MYLK: variants seen among roughly 807,000 people sequenced by gnomAD.
MYLK encodes myosin light chain kinase.
MYLK carries 106 observed loss-of-function variants against 203.4 expected under a neutral mutation model. That is an observed-to-expected ratio of 0.52 (90% CI 0.45 to 0.61). The LOEUF is 0.61. Ranked by LOEUF, MYLK falls within the 20% of genes least tolerant of loss-of-function variation. MYLK has a pLI of 0.00. For synonymous variants in MYLK, 867 were observed against 959.5 expected (o/e 0.90, Z 1.78); for missense variants, 2,072 against 2,442.3 (o/e 0.85, Z 3.20).
chr3:123,813,258 T>G (rs1398493659), intron 3 of MYLK, among the ~76,000 whole-genome samples: 5 of 152,210 alleles, frequency 3.3e-5, no homozygotes, highest in Non-Finnish European at 5.9e-5. Context: ...TACTTAAGCT[T>G]CTGCTTATTG....
intron 11 of MYLK, among the ~76,000 whole-genome samples, chr3:123,726,757 G>T (rs2062302324): frequency 6.6e-6 from 1 of 152,126 alleles, no homozygotes; most frequent in Admixed American, 6.5e-5. Flanking sequence ...CTTTCCAAAA[G>T]CCTTCTACAT....
At chr3:123,657,776 T>A (rs2059436629) in intron 23 of MYLK, among the ~76,000 whole-genome samples, 1 of 152,198 alleles carries the variant, frequency 6.6e-6, no homozygotes, top group South Asian at 2.1e-4. Context: ...GTGGACTATT[T>A]CCTATCGAAA....
At chr3:123,713,529 G>A (rs565265466) in intron 13 of MYLK, among the ~76,000 whole-genome samples, 2 of 151,686 alleles carry the variant, frequency 1.3e-5, no homozygotes, top group Non-Finnish European at 1.5e-5. Context: ...CTTGACAACT[G>A]AGAAAAACTA....
intron 10 of MYLK, 51 bp downstream of exon 10, chr3:123,733,636 C>A: frequency 6.2e-7 from 1 of 1,606,426 alleles, no homozygotes; most frequent in Non-Finnish European, 8.5e-7. Flanking sequence ...AGGGAGTGGC[C>A]ACCAAGGGGC....
At chr3:123,812,990 G>T (rs570215830) in intron 3 of MYLK, among the ~76,000 whole-genome samples, 1 of 152,254 alleles carries the variant, frequency 6.6e-6, no homozygotes, top group African/African-American at 2.4e-5. Context: ...GATCACTGAT[G>T]GTCAACTTGG....
At chr3:123,650,535 T>G (rs2059176414) in intron 24 of MYLK, among the ~76,000 whole-genome samples, 3 of 152,132 alleles carry the variant, frequency 2.0e-5, no homozygotes, top group African/African-American at 7.2e-5. Context: ...AAGCTTAGTT[T>G]TTTTAAAAAA....
At chr3:123,872,478 T>A (rs547093247) in intron 2 of MYLK, among the ~76,000 whole-genome samples, 1 of 152,270 alleles carries the variant, frequency 6.6e-6, no homozygotes, top group Non-Finnish European at 1.5e-5. Context: ...ACTGCCCCCA[T>A]TTCAGATCAC....
At chr3:123,786,217 C>T (rs1395026704) in intron 4 of MYLK, among the ~76,000 whole-genome samples, 3 of 151,366 alleles carry the variant, frequency 2.0e-5, no homozygotes, top group Non-Finnish European at 4.4e-5. Context: ...GCAGGAGTGT[C>T]GCTCGAACCT....
intron 13 of MYLK, among the ~76,000 whole-genome samples, chr3:123,711,308 T>C (rs2061683824): frequency 2.0e-5 from 3 of 152,188 alleles, no homozygotes; most frequent in Admixed American, 6.5e-5. Context: ...TGTGTGCATA[T>C]GTCAAAACTT....
chr3:123,787,610 G>A (rs916202377), intron 4 of MYLK, among the ~76,000 whole-genome samples: 1 of 152,118 alleles, frequency 6.6e-6, no homozygotes, highest in Non-Finnish European at 1.5e-5. Flanking sequence ...AGTGTCATGC[G>A]GCAGGAAGAA....
At chr3:123,804,369 A>G (rs970358348) in intron 3 of MYLK, among the ~76,000 whole-genome samples, 1 of 152,126 alleles carries the variant, frequency 6.6e-6, no homozygotes, top group Non-Finnish European at 1.5e-5. Flanking sequence ...GAGAGGGAGT[A>G]AAAAGGGTCA....
At chr3:123,625,925 T>C (rs1411255593) in intron 31 of MYLK, among the ~76,000 whole-genome samples, 1 of 152,212 alleles carries the variant, frequency 6.6e-6, no homozygotes, top group Non-Finnish European at 1.5e-5. Flanking sequence ...TATCCACCCA[T>C]GCCTTTTATC....
intron 2 of MYLK, among the ~76,000 whole-genome samples, chr3:123,873,016 T>G (rs1009959498): frequency 2.0e-5 from 3 of 152,092 alleles, no homozygotes; most frequent in Non-Finnish European, 2.9e-5. Flanking sequence ...CAGGTATGGT[T>G]GAAAGGGACT....
intron 16 of MYLK, among the ~76,000 whole-genome samples, chr3:123,701,932 A>C (rs1266310349): frequency 6.6e-6 from 1 of 152,100 alleles, no homozygotes; most frequent in Non-Finnish European, 1.5e-5. Flanking sequence ...CTTGACTCTG[A>C]CTCCATGATC....
At chr3:123,748,373 A>C (rs976853994) in intron 5 of MYLK, among the ~76,000 whole-genome samples, 1 of 152,222 alleles carries the variant, frequency 6.6e-6, no homozygotes, top group East Asian at 1.9e-4. Flanking sequence ...GAGACTTGGA[A>C]GGAACAAACA....
chr3:123,628,880 A>T (rs1035351789), intron 30 of MYLK, among the ~76,000 whole-genome samples: 2 of 152,162 alleles, frequency 1.3e-5, no homozygotes, highest in Non-Finnish European at 2.9e-5. Context: ...ACAGAGGAGG[A>T]GCTGGGAGAG....
At chr3:123,837,789 C>G (rs2066509453) in intron 2 of MYLK, among the ~76,000 whole-genome samples, 1 of 151,768 alleles carries the variant, frequency 6.6e-6, no homozygotes, top group Admixed American at 6.6e-5. Context: ...CTTCAACAGG[C>G]TCACAAGCAC....
At position 123,664,228 on chromosome 3, in the gene MYLK, T is replaced by G; in HGVS notation, c.3862A>C (p.Asn1288His). 1 of 1,614,082 alleles carries G rather than the reference T, an allele frequency of 6.2e-7. No homozygotes were observed. The highest frequency in any genetic ancestry group is 1.6e-4 in the Middle Eastern group (1 of 6,062). ...IQESEHMKVE[N>H]SENGSKLTIL... The stretch of plus-strand genomic sequence containing the variant: ...GTGAGCTTGCTGCCATTCTCGCTGT[T>G]CTCCACCTTCATGTGCTCGCTTTCC... The change falls in exon 23 of 34, where the codon AAC (asparagine) becomes CAC (histidine). Residue 1288 changes from asparagine to histidine, a missense_variant. Physicochemically the swap from Asn to His is moderately conservative, Grantham distance 68. Transcript: ENST00000360304.
At position 123,813,795 on chromosome 3, in the gene MYLK, G is replaced by A. The variant is rs571823789; in HGVS notation, c.-4+17753C>T. 1.8e-3 allele frequency among the ~76,000 whole-genome samples: 275 copies of A among 152,244 alleles called. 1 individual carries two copies. The highest frequency in any genetic ancestry group is 3.4e-3 in the Middle Eastern group (1 of 294). ...CAAAGTGCTGGGATTACAGGCATGA[G>A]CCACCATGCCCGGACAATTCACGGC... On this transcript the variant is annotated intron_variant, in intron 3 of 33. Coordinates refer to ENST00000360304, the MANE Select transcript of MYLK (RefSeq NM_053025.4).
Sources: gnomAD v4.1 joint callset for allele counts (sites outside exome capture counted in the v4.1 genomes callset) on GRCh38, gnomAD v4.1.1 for gene constraint, MANE v1.5 for transcripts, NCBI Gene and HGNC (gene_info 2026-07-23, HGNC 2026-07-21) for gene names.